Variants in NXN observed in about 807,000 individuals in gnomAD.
NXN encodes nucleoredoxin.
A neutral mutation model predicts 48.6 loss-of-function variants in NXN; 16 were observed. The ratio of observed to expected loss-of-function variants is 0.33; its 90% CI spans 0.22 to 0.50. The LOEUF (loss-of-function observed/expected upper bound fraction) is 0.50. NXN is among the 20% of genes least tolerant of loss of function. NXN has a pLI of 0.98. For missense variants in NXN, 492 were observed against 605.5 expected, an observed-to-expected ratio of 0.81 and a Z score of 1.97; for synonymous variants, 281 against 269.6, an observed-to-expected ratio of 1.04 and a Z score of -0.41.
rs778512636 is a variant in NXN at position 830,010 on chromosome 17, T to C, written c.361-3932A>G. On this transcript the variant is annotated intron_variant, in intron 1 of 7. Coordinates refer to ENST00000336868, the MANE Select transcript of NXN (RefSeq NM_022463.5). The surrounding 1 kb of genome is among the most constrained non-coding windows in gnomAD (Gnocchi z 4.2). ...CCAGTAATGGGATTGCTGGGTCAAATGGTGTTTTTGGTTCTAGATCCCTGA... is the reference window on the plus strand; with the variant it reads ...CCAGTAATGGGATTGCTGGGTCAAACGGTGTTTTTGGTTCTAGATCCCTGA... Among the ~76,000 whole-genome samples, 42 of 152,156 alleles carry C rather than the reference T, an allele frequency of 2.8e-4. No individual in the cohort carries two copies. The highest frequency in any genetic ancestry group is 1.0e-3 in the South Asian group (5 of 4,826).
Position 917,181 on chromosome 17 carries a change from G to A in NXN, c.360+62138C>T, listed in dbSNP as rs1383384420. ...CACATCTTTTTTTTTTTTTTCTGTA[G>A]CCCAGGCTGGAGTGCAATGGCGCGA... On this transcript the variant is annotated intron_variant, in intron 1 of 7. Transcript: ENST00000336868. The surrounding 1 kb of genome is among the most constrained non-coding windows in gnomAD (Gnocchi z 4.5). 2.0e-5 allele frequency among the ~76,000 whole-genome samples: 3 copies of A among 150,078 alleles called. No homozygotes were observed. Among genetic ancestry groups the A allele is most frequent in the Non-Finnish European group, 3.0e-5 (2 of 67,734 alleles).
At chr17:955,155 T>A (rs1042062881) in intron 1 of NXN, among the ~76,000 whole-genome samples, 2 of 148,936 alleles carry the variant, frequency 1.3e-5, no homozygotes, top group Non-Finnish European at 3.0e-5. Flanking sequence ...AGCATGCTCA[T>A]CTCTTTCTTT....
chr17:828,680 G>A (rs1391032881), intron 1 of NXN, among the ~76,000 whole-genome samples: 1 of 152,164 alleles, frequency 6.6e-6, no homozygotes, highest in Non-Finnish European at 1.5e-5. Context: ...GAGATTACAG[G>A]CGTGGGCCAC....
chr17:843,775 C>T lies in NXN; in HGVS notation c.361-17697G>A, dbSNP rs532673710. Among the ~76,000 whole-genome samples, 8 of 152,276 alleles carry T rather than the reference C, an allele frequency of 5.3e-5. No homozygotes were observed. In the East Asian group the frequency reaches 9.6e-4, roughly 18 times the overall value. ...CACGCTCACTCTGAGTAGCACCTTT[C>T]GACGTGAACGTTGGGACCCTGACCT... On this transcript the variant is annotated intron_variant, in intron 1 of 7. Transcript: ENST00000336868.
chr17:939,030 C>T (rs1413387126), intron 1 of NXN, among the ~76,000 whole-genome samples: 4 of 150,466 alleles, frequency 2.7e-5, no homozygotes, highest in Non-Finnish European at 4.4e-5. Flanking sequence ...CCAGCCTGGG[C>T]GACAAGGGTG....
At chr17:930,761 A>T (rs575408802) in intron 1 of NXN, among the ~76,000 whole-genome samples, 1 of 140,994 alleles carries the variant, frequency 7.1e-6, no homozygotes, top group South Asian at 2.4e-4. Context: ...GAGGACAAAG[A>T]AAGTTGAGTT....
At chr17:954,207 A>G (rs2069142761) in intron 1 of NXN, among the ~76,000 whole-genome samples, 1 of 151,988 alleles carries the variant, frequency 6.6e-6, no homozygotes, top group South Asian at 2.1e-4. Flanking sequence ...GTGAACTTCC[A>G]TCTCTACTAA....
At position 849,307 on chromosome 17, in the gene NXN, T is replaced by A. The variant is rs1008305879; in HGVS notation, c.361-23229A>T. ...CAGCACTTTGGGAGGCCGAGACAGG[T>A]GGGTCACCTGAGGTCAGGAGTTAGA... On this transcript the variant is annotated intron_variant, in intron 1 of 7. Transcript: ENST00000336868. The surrounding 1 kb of genome is among the most constrained non-coding windows in gnomAD (Gnocchi z 4.2). 4.6e-5 allele frequency among the ~76,000 whole-genome samples: 7 copies of A among 151,828 alleles called. No individual in the cohort carries two copies. The highest frequency in any genetic ancestry group is 1.7e-4 in the African/African-American group (7 of 41,302).
chr17:832,495 ATT>A (rs1913537914), intron 1 of NXN, among the ~76,000 whole-genome samples: 1 of 152,072 alleles, frequency 6.6e-6, no homozygotes, highest in Admixed American at 6.6e-5. Flanking sequence ...TCAGCCAGGA[ATT>A]TTTAAGGAAA....
At chr17:889,732 AAAG>A (rs2144861977) in intron 1 of NXN, among the ~76,000 whole-genome samples, 2 of 72,536 alleles carry the variant, frequency 2.8e-5, no homozygotes, top group East Asian at 5.3e-4. Context: ...AGAAAGAAAG[AAAG>A]AAAGAAAGAA....
intron 1 of NXN, among the ~76,000 whole-genome samples, chr17:841,611 GAGCATCTCACACGGGCAA>G (rs1914292875): frequency 1.0e-4 from 14 of 139,054 alleles, no homozygotes; most frequent in South Asian, 6.8e-4. Context: ...CCCGACCACA[GAGCATCTCACACGGGCAA>G]GCAGGTCCAC....
chr17:855,920 T>C (rs73291521), intron 1 of NXN, among the ~76,000 whole-genome samples: 26,133 of 151,950 alleles, frequency 0.17, 3,079 homozygotes, highest in African/African-American at 0.33. Flanking sequence ...CTAGGCCGGG[T>C]GCCGTGGCTC....
chr17:917,228 G>A lies in NXN; in HGVS notation c.360+62091C>T, dbSNP rs1025927196. ...GCGACCTCGGCTCGCCGTGGCCTCC[G>A]CCTCGCGGGTTCAAGCGATTCTCCT... On this transcript the variant is annotated intron_variant, in intron 1 of 7. Transcript: ENST00000336868. This position sits in a 1 kb window ranked among gnomAD's most constrained non-coding sequence, Gnocchi z 4.5. Among the ~76,000 whole-genome samples, 4 of 151,144 alleles carry A rather than the reference G, an allele frequency of 2.6e-5. No homozygotes were observed. The highest frequency in any genetic ancestry group is 5.9e-5 in the Non-Finnish European group (4 of 67,910).
rs537198266 is a variant in NXN at position 944,184 on chromosome 17, A to G, written c.360+35135T>C. Among the ~76,000 whole-genome samples, 229 of 152,168 alleles carry G rather than the reference A, an allele frequency of 1.5e-3. 1 individual carries two copies. Among genetic ancestry groups the G allele is most frequent in the Non-Finnish European group, 2.5e-3 (167 of 67,982 alleles). ...AACCCAGGAGGCAGAGGTTGCAGTG[A>G]GCCGAGATGGCGCCACTGCACTCCA... is the stretch of plus-strand genomic sequence containing the variant. On this transcript the variant is annotated intron_variant, in intron 1 of 7. Coordinates refer to ENST00000336868, the MANE Select transcript of NXN (RefSeq NM_022463.5).
intron 1 of NXN, among the ~76,000 whole-genome samples, chr17:887,929 G>A (rs947133243): frequency 3.3e-5 from 5 of 152,130 alleles, no homozygotes; most frequent in Non-Finnish European, 5.9e-5. Flanking sequence ...CCCACTAGCC[G>A]TGAGGTTCAA....
intron 1 of NXN, among the ~76,000 whole-genome samples, chr17:913,778 A>G (rs943859299): frequency 6.6e-6 from 1 of 152,046 alleles, no homozygotes; most frequent in East Asian, 1.9e-4. Flanking sequence ...AAGCAGAAAA[A>G]AAATGTGTAA....
intron 1 of NXN, among the ~76,000 whole-genome samples, chr17:895,689 G>C (rs1312798648): frequency 1.3e-5 from 2 of 150,828 alleles, no homozygotes; most frequent in East Asian, 3.9e-4. Flanking sequence ...GTGGTGGTGG[G>C]CACCTGTAGT....
At chr17:921,445 G>T (rs190060848) in intron 1 of NXN, among the ~76,000 whole-genome samples, 1 of 151,986 alleles carries the variant, frequency 6.6e-6, no homozygotes, top group African/African-American at 2.4e-5. Flanking sequence ...TCTTTTCCTC[G>T]AAACGCTTCC....
chr17:812,678 A>G (rs1200541056), intron 5 of NXN, among the ~76,000 whole-genome samples: 13 of 144,168 alleles, frequency 9.0e-5, no homozygotes, highest in African/African-American at 3.4e-4. Context: ...GTGTGAGTGT[A>G]GGTGTGTGCA....
Sources: gnomAD v4.1 joint callset for allele counts (sites outside exome capture counted in the v4.1 genomes callset) on GRCh38, gnomAD v4.1.1 for gene constraint, Gnocchi (gnomAD v3.1) non-coding constraint, MANE v1.5 for transcripts, NCBI Gene and HGNC (gene_info 2026-07-23, HGNC 2026-07-21) for gene names.